The following DIS3L2 variants were observed in gnomAD, a reference collection of about 807,000 sequenced individuals.
The protein encoded by DIS3L2 is DIS3-like exonuclease 2.
DIS3L2 carries 34 observed loss-of-function variants against 97.5 expected under a neutral mutation model. That is an observed-to-expected ratio of 0.35 (90% CI 0.27 to 0.46). The LOEUF (loss-of-function observed/expected upper bound fraction) is 0.46. Among genes scored for constraint, DIS3L2 ranks in the 20% least tolerant of loss-of-function variants. The pLI, the probability that DIS3L2 is intolerant of heterozygous loss-of-function variation, is 1.00. For synonymous variants in DIS3L2, 435 were observed against 445.2 expected (o/e 0.98, Z 0.29); for missense variants, 1,038 against 1,146.0 (o/e 0.91, Z 1.36).
intron 9 of DIS3L2, among the ~76,000 whole-genome samples, chr2:232,184,835 G>A (rs1407912498): frequency 6.6e-6 from 1 of 152,150 alleles, no homozygotes; most frequent in East Asian, 1.9e-4. Context: ...ACAATATCCT[G>A]TTCTGCTTTC....
chr2:232,294,465 T>TA (rs2106315622), intron 13 of DIS3L2, among the ~76,000 whole-genome samples: 1 of 152,322 alleles, frequency 6.6e-6, no homozygotes, highest in African/African-American at 2.4e-5. Flanking sequence ...AGTAGGGACA[T>TA]ACTTTGTGGA....
At chr2:232,113,778 A>G (rs1697615365) in intron 6 of DIS3L2, among the ~76,000 whole-genome samples, 1 of 152,242 alleles carries the variant, frequency 6.6e-6, no homozygotes, top group South Asian at 2.1e-4. Context: ...TAAAACAAAG[A>G]TGATAACAAC....
At chr2:232,342,198 CATACAT>C (rs1696119416) in intron 13 of DIS3L2, among the ~76,000 whole-genome samples, 1 of 142,470 alleles carries the variant, frequency 7.0e-6, no homozygotes, top group Non-Finnish European at 1.5e-5. Flanking sequence ...CATATATACA[CATACAT>C]ATATACACAT....
intron 4 of DIS3L2, among the ~76,000 whole-genome samples, chr2:232,027,156 C>G (rs1694682857): frequency 6.6e-6 from 1 of 152,154 alleles, no homozygotes; most frequent in African/African-American, 2.4e-5. Context: ...ATTACTCATA[C>G]ATAAAGCCCA....
intron 13 of DIS3L2, chr2:232,343,255 G>A: frequency 9.0e-7 from 1 of 1,105,720 alleles, no homozygotes; most frequent in Non-Finnish European, 1.3e-6. Context: ...GCTGACGCAG[G>A]CTGAGTAGGC....
chr2:232,262,720 G>C (rs889146606), intron 12 of DIS3L2, among the ~76,000 whole-genome samples: 2 of 152,076 alleles, frequency 1.3e-5, no homozygotes, highest in Non-Finnish European at 2.9e-5. Context: ...AGTCGGAATG[G>C]GTTTCCTCTT....
intron 13 of DIS3L2, among the ~76,000 whole-genome samples, chr2:232,270,860 G>GTCTCTCTCTCTCTCTCTC (rs71056262): frequency 2.3e-4 from 24 of 103,862 alleles, no homozygotes; most frequent in South Asian, 8.0e-4. Flanking sequence ...TCTTTTTCTC[G>GTCTCTCTCTCTCTCTCTC]TCTCTCTCTC....
At chr2:232,312,094 C>A (rs888151407) in intron 14 of DIS3L2, among the ~76,000 whole-genome samples, 6 of 152,060 alleles carry the variant, frequency 3.9e-5, no homozygotes, top group African/African-American at 1.2e-4. Context: ...GATATCAGTT[C>A]TTTGTTGCTT....
intron 5 of DIS3L2, among the ~76,000 whole-genome samples, chr2:232,043,476 A>G (rs1247068368): frequency 6.6e-6 from 1 of 152,206 alleles, no homozygotes; most frequent in African/African-American, 2.4e-5. Flanking sequence ...ACGCTGGACT[A>G]ATTAGATTCA....
At chr2:232,074,724 AC>A (rs1207871280) in intron 5 of DIS3L2, among the ~76,000 whole-genome samples, 1 of 151,944 alleles carries the variant, frequency 6.6e-6, no homozygotes, top group Non-Finnish European at 1.5e-5. Flanking sequence ...AGCTGGGACC[AC>A]AGGCGCATGT....
chr2:232,253,564 A>G (rs1196878358), intron 12 of DIS3L2, among the ~76,000 whole-genome samples: 1 of 152,234 alleles, frequency 6.6e-6, no homozygotes, highest in African/African-American at 2.4e-5. Context: ...AGAAAAGAAA[A>G]GTAACACTTA....
chr2:232,201,238 C>T (rs1446503012), intron 9 of DIS3L2, among the ~76,000 whole-genome samples: 1 of 152,242 alleles, frequency 6.6e-6, no homozygotes, highest in Non-Finnish European at 1.5e-5. Context: ...TTTGTGCCTT[C>T]TGAAGGTATG....
intron 9 of DIS3L2, among the ~76,000 whole-genome samples, chr2:232,183,071 T>C (rs1354350686): frequency 1.3e-5 from 2 of 152,126 alleles, no homozygotes; most frequent in African/African-American, 4.8e-5. Context: ...TTAGTGCCCT[T>C]ATAAAAAGAA....
chr2:232,063,682 C>T (rs1695775819), intron 5 of DIS3L2, among the ~76,000 whole-genome samples: 1 of 152,142 alleles, frequency 6.6e-6, no homozygotes, highest in African/African-American at 2.4e-5. Context: ...ACACTGCCTT[C>T]ATTTCCTAAA....
intron 9 of DIS3L2, among the ~76,000 whole-genome samples, chr2:232,192,717 G>A (rs1187926288): frequency 6.6e-6 from 1 of 152,224 alleles, no homozygotes; most frequent in African/African-American, 2.4e-5. Context: ...TAATGATAAA[G>A]TGTTAGAGAA....
chr2:231,971,258 C>G (rs1692898062), intron 1 of DIS3L2, among the ~76,000 whole-genome samples: 1 of 148,040 alleles, frequency 6.8e-6, no homozygotes, highest in East Asian at 1.9e-4. Context: ...GTTTGGTGTA[C>G]AGTTTATTTT....
At chr2:232,155,475 T>C (rs1276503520) in intron 8 of DIS3L2, among the ~76,000 whole-genome samples, 1 of 152,238 alleles carries the variant, frequency 6.6e-6, no homozygotes, top group Non-Finnish European at 1.5e-5. Context: ...CCTGAGTTCT[T>C]GTATTTAGAA....
intron 12 of DIS3L2, among the ~76,000 whole-genome samples, chr2:232,258,375 G>C (rs1428426739): frequency 1.3e-5 from 2 of 152,092 alleles, no homozygotes; most frequent in Non-Finnish European, 2.9e-5. Context: ...ACGAGGTCTG[G>C]AGTTAGAGAC....
At chr2:232,234,020 A>G (rs1026895315) in intron 10 of DIS3L2, among the ~76,000 whole-genome samples, 2 of 152,060 alleles carry the variant, frequency 1.3e-5, no homozygotes, top group African/African-American at 4.8e-5. Context: ...GCTTCCTTGG[A>G]GTTATGAGAG....
Sources: allele counts gnomAD v4.1 joint callset (sites outside exome capture counted in the v4.1 genomes callset), GRCh38; gene constraint gnomAD v4.1.1; transcripts MANE v1.5; gene names NCBI Gene and HGNC (gene_info 2026-07-23, HGNC 2026-07-21).